The following TTC6 variants were observed in gnomAD, a reference collection of about 807,000 sequenced individuals.
The protein encoded by TTC6 is tetratricopeptide repeat domain 6, also known as tetratricopeptide repeat protein 6.
Under a neutral mutation model 210.4 loss-of-function variants are expected in TTC6, and 172 were observed. The ratio of observed to expected loss-of-function variants is 0.82; its 90% confidence interval spans 0.72 to 0.93. TTC6 has a LOEUF of 0.93. Among genes scored for constraint, TTC6 ranks in the 40% least tolerant of loss-of-function variants. The pLI, the probability that TTC6 is intolerant of heterozygous loss-of-function variation, is 0.00. For synonymous variants in TTC6, 804 were observed against 819.6 expected (o/e 0.98, Z 0.32); for missense variants, 2,414 against 2,318.1 (o/e 1.04, Z -0.85).
rs149429721 is a variant in TTC6, at chr14:37,773,365, T to C, written c.3267-14103T>C. ...TAGGTCCTGTGTCCAGAATGATATT[T>C]ACTAGGTTATCATGCAGAGGTTTTA... On this transcript the variant is annotated intron_variant, in intron 14 of 30. Transcript: ENST00000553443. Among the ~76,000 whole-genome samples the C allele has an allele frequency of 5.1e-3, 780 of 152,296 alleles. 8 individuals are homozygous for C. Among genetic ancestry groups the C allele is most frequent in the African/African-American group, 0.018 (737 of 41,570 alleles).
intron 26 of TTC6, among the ~76,000 whole-genome samples, chr14:37,819,595 G>A (rs1354729686): frequency 2.6e-5 from 4 of 152,130 alleles, no homozygotes; most frequent in Middle Eastern, 3.2e-3. Context: ...AACTGAGAAT[G>A]CCACTTTCAT....
chr14:37,613,574 T>G (rs1324685835), intron 2 of TTC6, among the ~76,000 whole-genome samples: 3 of 152,098 alleles, frequency 2.0e-5, no homozygotes, highest in Non-Finnish European at 4.4e-5. Flanking sequence ...ATTTCTTTCT[T>G]GAATACTTGA....
chr14:37,786,648 G>A (rs569449953), intron 14 of TTC6, among the ~76,000 whole-genome samples: 11 of 152,268 alleles, frequency 7.2e-5, no homozygotes, highest in South Asian at 6.2e-4. Flanking sequence ...CCAACTGTCC[G>A]ACAAGCCCCA....
chr14:37,806,840 A>G (rs1420879493), intron 22 of TTC6, among the ~76,000 whole-genome samples: 3 of 152,324 alleles, frequency 2.0e-5, no homozygotes, highest in African/African-American at 7.2e-5. Flanking sequence ...TTAATAGACT[A>G]TACAGGCAAC....
chr14:37,744,296 A>T (rs1458599948), intron 10 of TTC6, among the ~76,000 whole-genome samples: 1 of 152,238 alleles, frequency 6.6e-6, no homozygotes, highest in Non-Finnish European at 1.5e-5. Flanking sequence ...CTTACATTGT[A>T]GTGGGAGAGA....
In TTC6 at chr14:37,821,010, C is replaced by A. The variant is rs570857965; in HGVS notation, c.4764-2737C>A. ...TCCTGTTCCTCTTCCTCTTGCTCTT[C>A]TTCTTCTTCTTCCTCTTCTTCTTCT... is the stretch of plus-strand genomic sequence containing the variant. On this transcript the variant is annotated intron_variant, in intron 26 of 30. Transcript: ENST00000553443. 2.7e-4 allele frequency among the ~76,000 whole-genome samples: 17 copies of A among 63,810 alleles called. No homozygotes were observed. In the East Asian group the frequency reaches 7.4e-3, roughly 28 times the overall value. 41.9% of individuals were successfully genotyped at this position (63,810 alleles called of 152,430 possible).
chr14:37,817,593 G>A, exon 26 of TTC6: 1 of 1,613,974 alleles, frequency 6.2e-7, no homozygotes. Context: ...TAAACAAGCT[G>A]CACTGATAAG....
chr14:37,616,062 T>C (rs1215917889), intron 2 of TTC6, among the ~76,000 whole-genome samples: 1 of 152,242 alleles, frequency 6.6e-6, no homozygotes, highest in Non-Finnish European at 1.5e-5. Flanking sequence ...TCAGTTAAAC[T>C]CACTGTAAGT....
Position 37,691,412 on chromosome 14 carries a change from C to G in TTC6, c.1258-5305C>G, listed in dbSNP as rs111669414. On this transcript the variant is annotated intron_variant, in intron 3 of 30. Transcript: ENST00000553443. ...CAAGAATAATTCTGGAAACTATACA[C>G]ATTGAAATTAAACAATGTGCTTCTG... Among the ~76,000 whole-genome samples, 2 of 152,202 alleles carry G rather than the reference C, an allele frequency of 1.3e-5. 1 individual carries two copies. The highest frequency in any genetic ancestry group is 4.8e-5 in the African/African-American group (2 of 41,534).
intron 1 of TTC6, among the ~76,000 whole-genome samples, chr14:37,596,509 G>C (rs2095604921): frequency 6.6e-6 from 1 of 152,258 alleles, no homozygotes; most frequent in Admixed American, 6.5e-5. Flanking sequence ...ATGAGGCCCT[G>C]GGTGGTGGTT....
intron 29 of TTC6, 93 bp from the exon 32 acceptor site, chr14:37,841,352 C>T: frequency 1.9e-6 from 2 of 1,053,034 alleles, no homozygotes; most frequent in Non-Finnish European, 2.7e-6. Flanking sequence ...TGGTATGCCA[C>T]TGGCCTTAAT....
chr14:37,646,031 C>CT (rs1227318330), intron 1 of TTC6, among the ~76,000 whole-genome samples: 1 of 152,130 alleles, frequency 6.6e-6, no homozygotes, highest in Non-Finnish European at 1.5e-5. Context: ...TTGCTAGCTG[C>CT]TTTTATCTAC....
At chr14:37,841,741 A>T in intron 30 of TTC6, 71 bp downstream of exon 32, 1 of 1,184,862 alleles carries the variant, frequency 8.4e-7, no homozygotes, top group Non-Finnish European at 1.2e-6. Context: ...ACAAAAGAAG[A>T]AAATCATTAG....
chr14:37,680,061 A>G (rs2095779756), intron 1 of TTC6, 90 bp from the exon 4 acceptor site: 2 of 698,002 alleles, frequency 2.9e-6, no homozygotes. Flanking sequence ...TTCATTTACT[A>G]CACAAATTGA....
At chr14:37,657,437 A>G (rs903879106) in intron 1 of TTC6, among the ~76,000 whole-genome samples, 1 of 151,388 alleles carries the variant, frequency 6.6e-6, no homozygotes, top group Non-Finnish European at 1.5e-5. Context: ...TACCCAGGAG[A>G]GTGTTTGGGA....
chr14:37,744,196 T>C (rs2095929157), intron 10 of TTC6, among the ~76,000 whole-genome samples: 1 of 152,182 alleles, frequency 6.6e-6, no homozygotes, highest in Non-Finnish European at 1.5e-5. Flanking sequence ...TTCTGCAACA[T>C]ACATTTATTG....
intron 14 of TTC6, among the ~76,000 whole-genome samples, chr14:37,765,757 C>A (rs2095997333): frequency 6.6e-6 from 1 of 152,032 alleles, no homozygotes; most frequent in Admixed American, 6.6e-5. Context: ...CTTCAGGTTT[C>A]ATTTACTCGG....
At chr14:37,835,630 C>T (rs1043343431) in intron 29 of TTC6, among the ~76,000 whole-genome samples, 1 of 151,976 alleles carries the variant, frequency 6.6e-6, no homozygotes, top group African/African-American at 2.4e-5. Context: ...TATTAGTCAC[C>T]AGTTAACAGT....
chr14:37,599,766 T>C (rs1481315207), intron 1 of TTC6, among the ~76,000 whole-genome samples: 1 of 152,172 alleles, frequency 6.6e-6, no homozygotes, highest in Non-Finnish European at 1.5e-5. Flanking sequence ...TCGACAGCGT[T>C]GGAAGGAAGA....
Sources: gnomAD v4.1 joint callset for allele counts (sites outside exome capture counted in the v4.1 genomes callset) on GRCh38, gnomAD v4.1.1 for gene constraint, MANE v1.5 for transcripts, NCBI Gene and HGNC (gene_info 2026-07-23, HGNC 2026-07-21) for gene names.